LINGO2: variants seen among roughly 807,000 people sequenced by gnomAD.
LINGO2 encodes leucine-rich repeat and immunoglobulin-like domain-containing nogo receptor-interacting protein 2.
In LINGO2, 14 loss-of-function variants were observed where a neutral mutation model predicts 30.6. That is an observed-to-expected ratio of 0.46 (90% CI 0.30 to 0.72). LINGO2 has a LOEUF of 0.72. Ranked by LOEUF, LINGO2 falls within the 30% of genes least tolerant of loss-of-function variation. LINGO2 has a pLI of 0.07. For missense variants in LINGO2, 729 were observed against 751.7 expected (o/e 0.97, Z 0.35); for synonymous variants, 317 against 288.5 (o/e 1.10, Z -1.00).
the LINGO2 span, among the ~76,000 whole-genome samples, chr9:29,188,681 G>T: frequency 7.0e-6 from 1 of 142,208 alleles, no homozygotes; most frequent in Non-Finnish European, 1.6e-5. Flanking sequence ...CTCCCGGATG[G>T]GGCGGCTGGC....
At chr9:29,078,789 A>G in the LINGO2 span, among the ~76,000 whole-genome samples, 8 of 151,976 alleles carry the variant, frequency 5.3e-5, no homozygotes, top group Non-Finnish European at 1.0e-4. Context: ...ACTGGCAAAG[A>G]GCAATTTGTC....
chr9:29,027,253 T>A, the LINGO2 span, among the ~76,000 whole-genome samples: 1 of 152,218 alleles, frequency 6.6e-6, no homozygotes, highest in East Asian at 1.9e-4. Context: ...AATTATGTTC[T>A]AGCATTAAAT....
chr9:28,230,040 A>G (rs756126882), intron 4 of LINGO2, among the ~76,000 whole-genome samples: 18 of 151,886 alleles, frequency 1.2e-4, no homozygotes, highest in Non-Finnish European at 2.7e-4. Flanking sequence ...TAAAAAGAAA[A>G]CCAAAACTCA....
intron 2 of LINGO2, among the ~76,000 whole-genome samples, chr9:28,392,510 G>A (rs942313754): frequency 6.6e-6 from 1 of 152,136 alleles, no homozygotes; most frequent in Admixed American, 6.5e-5. Context: ...TGGAAGAGAC[G>A]CATAAGGCAA....
At chr9:28,875,916 T>G in the LINGO2 span, among the ~76,000 whole-genome samples, 1 of 152,156 alleles carries the variant, frequency 6.6e-6, no homozygotes, top group Non-Finnish European at 1.5e-5. Flanking sequence ...ATTTCCTTGT[T>G]AAAGCCATTC....
intron 5 of LINGO2, among the ~76,000 whole-genome samples, chr9:27,981,569 A>C (rs868376990): frequency 1.6e-5 from 2 of 127,934 alleles, no homozygotes; most frequent in African/African-American, 5.4e-5. Flanking sequence ...AGAAAAAAAA[A>C]GAAAAAAAAA....
chr9:28,454,562 T>A (rs562909574), intron 2 of LINGO2, among the ~76,000 whole-genome samples: 6 of 152,138 alleles, frequency 3.9e-5, no homozygotes, highest in African/African-American at 1.4e-4. Flanking sequence ...TTGTTGGTAT[T>A]TAGGATACAT....
At chr9:28,523,463 G>C (rs1820900237) in intron 1 of LINGO2, among the ~76,000 whole-genome samples, 1 of 151,864 alleles carries the variant, frequency 6.6e-6, no homozygotes, top group Non-Finnish European at 1.5e-5. Context: ...AGGACAATTA[G>C]GCAACAACAA....
At chr9:28,734,440 G>C in the LINGO2 span, among the ~76,000 whole-genome samples, 1 of 152,110 alleles carries the variant, frequency 6.6e-6, no homozygotes, top group South Asian at 2.1e-4. Flanking sequence ...TTGACGGCAG[G>C]AAACTGAAAT....
intron 1 of LINGO2, among the ~76,000 whole-genome samples, chr9:28,580,732 G>C (rs1824220418): frequency 6.6e-6 from 1 of 151,924 alleles, no homozygotes; most frequent in Admixed American, 6.6e-5. Flanking sequence ...TACAGGATAA[G>C]ATATATTTAT....
the LINGO2 span, among the ~76,000 whole-genome samples, chr9:28,676,617 T>A: frequency 6.6e-6 from 1 of 152,086 alleles, no homozygotes; most frequent in South Asian, 2.1e-4. Flanking sequence ...TTTTAAAACA[T>A]GTGTTGTTGG....
At chr9:28,415,202 A>T (rs980393186) in intron 2 of LINGO2, among the ~76,000 whole-genome samples, 2 of 151,352 alleles carry the variant, frequency 1.3e-5, no homozygotes, top group Admixed American at 6.6e-5. Context: ...ATTTTTAGTT[A>T]AAAAAAGTTC....
At chr9:28,348,835 C>T (rs953728650) in intron 3 of LINGO2, among the ~76,000 whole-genome samples, 2 of 152,074 alleles carry the variant, frequency 1.3e-5, no homozygotes, top group African/African-American at 4.8e-5. Flanking sequence ...AAGTGGGTCC[C>T]TGACCCCTGA....
At chr9:28,579,339 A>G (rs762472714) in intron 1 of LINGO2, among the ~76,000 whole-genome samples, 21 of 152,098 alleles carry the variant, frequency 1.4e-4, no homozygotes, top group Non-Finnish European at 2.8e-4. Flanking sequence ...AGGGAGGGGT[A>G]ATGACAGAAA....
At position 27,956,168 on chromosome 9, in the gene LINGO2, G is replaced by A. The variant is rs1819560243; in HGVS notation, c.-35-5462C>T. 2.6e-5 allele frequency among the ~76,000 whole-genome samples: 4 copies of A among 152,034 alleles called. No individual in the cohort carries two copies. The South Asian group carries it at 8.3e-4, about 32-fold the overall frequency. ...GTTGGTCAGGCTGGTCTCGAACTCC[G>A]GAGACCTCAGGTGATCTGCCCGCCT... On this transcript the variant is annotated intron_variant, in intron 5 of 5. Coordinates refer to ENST00000379992, the Ensembl canonical transcript of LINGO2.
intron 1 of LINGO2, among the ~76,000 whole-genome samples, chr9:28,559,483 T>TA (rs1451368307): frequency 5.9e-5 from 9 of 152,226 alleles, no homozygotes; most frequent in African/African-American, 2.2e-4. Flanking sequence ...CTGTAAGTCT[T>TA]ACAGCTTGTA....
At chr9:29,199,757 TAGG>T in the LINGO2 span, among the ~76,000 whole-genome samples, 2 of 152,128 alleles carry the variant, frequency 1.3e-5, no homozygotes, top group African/African-American at 4.8e-5. Context: ...GTAAATGAAA[TAGG>T]AGGCCTATCT....
At chr9:29,212,610 A>C in the LINGO2 span, among the ~76,000 whole-genome samples, 7 of 151,614 alleles carry the variant, frequency 4.6e-5, no homozygotes, top group African/African-American at 1.7e-4. Context: ...TTAAAAAAAA[A>C]ACCTCTCTGG....
chr9:27,997,782 G>A (rs900066681), intron 5 of LINGO2, among the ~76,000 whole-genome samples: 3 of 152,202 alleles, frequency 2.0e-5, no homozygotes, highest in African/African-American at 7.2e-5. Context: ...AGACTAAATG[G>A]GTCGAAAGCA....
Sources: allele counts gnomAD v4.1 joint callset (sites outside exome capture counted in the v4.1 genomes callset), GRCh38; gene constraint gnomAD v4.1.1; transcripts MANE v1.5; gene names NCBI Gene and HGNC (gene_info 2026-07-23, HGNC 2026-07-21).